Variants in FILIP1L observed in about 807,000 individuals in gnomAD.
The protein encoded by FILIP1L is filamin A-interacting protein 1-like.
In FILIP1L, 55 loss-of-function variants were observed where a neutral mutation model predicts 96.6. The ratio of observed to expected loss-of-function variants is 0.57; its 90% CI spans 0.46 to 0.71. The LOEUF (loss-of-function observed/expected upper bound fraction) is 0.71. Among genes scored for constraint, FILIP1L ranks in the 30% least tolerant of loss-of-function variants. The probability of loss-of-function intolerance (pLI) is 0.00; values close to 1 mark genes in which losing one functional copy is unlikely to be tolerated. For missense variants in FILIP1L, 1,304 were observed against 1,321.2 expected, an observed-to-expected ratio of 0.99 and a Z score of 0.20; for synonymous variants, 467 against 473.9, an observed-to-expected ratio of 0.99 and a Z score of 0.19.
Position 99,904,983 on chromosome 3 carries a change from TCATTGGTGG to T in FILIP1L, c.605+19238_605+19246del, listed in dbSNP as rs147291069. ...TCTGAAGAAATTGTTCTCTCAGAGG[TCATTGGTGG>T]CATCCTCAGATCCAAAAGCCTTCAC... is the stretch of plus-strand genomic sequence containing the variant. On this transcript the variant is annotated intron_variant, in intron 4 of 5. Transcript: ENST00000477258. 4.5e-3 allele frequency among the ~76,000 whole-genome samples: 688 copies of T among 152,238 alleles called. 7 individuals carry two copies. Among genetic ancestry groups the T allele is most frequent in the African/African-American group, 0.016 (674 of 41,534 alleles).
At chr3:99,993,472 T>C (rs1316287750) in intron 1 of FILIP1L, among the ~76,000 whole-genome samples, 1 of 152,132 alleles carries the variant, frequency 6.6e-6, no homozygotes. Flanking sequence ...CTCTTATTTC[T>C]TTCTCTTACC....
At chr3:100,028,313 GT>G (rs1367384746) in intron 1 of FILIP1L, among the ~76,000 whole-genome samples, 2 of 152,118 alleles carry the variant, frequency 1.3e-5, no homozygotes, top group African/African-American at 4.8e-5. Context: ...TTCAGCCTTT[GT>G]TCTTACTTAG....
intron 1 of FILIP1L, among the ~76,000 whole-genome samples, chr3:100,014,664 A>G (rs1476525663): frequency 6.6e-6 from 1 of 151,784 alleles, no homozygotes; most frequent in Non-Finnish European, 1.5e-5. Context: ...TTTCAGGTTC[A>G]TTTTTAATTG....
chr3:99,862,067 A>C (rs747770757), intron 4 of FILIP1L, among the ~76,000 whole-genome samples: 8 of 152,232 alleles, frequency 5.3e-5, no homozygotes, highest in Non-Finnish European at 1.2e-4. Context: ...GTACTAAAAG[A>C]GTAGGTTTTA....
intron 1 of FILIP1L, among the ~76,000 whole-genome samples, chr3:99,963,138 A>T (rs1708543431): frequency 6.6e-6 from 1 of 152,234 alleles, no homozygotes; most frequent in African/African-American, 2.4e-5. Context: ...ATAACAGTGC[A>T]CCAGAGAAAG....
chr3:99,981,738 C>T (rs1034056938), intron 1 of FILIP1L, among the ~76,000 whole-genome samples: 3 of 152,140 alleles, frequency 2.0e-5, no homozygotes, highest in Admixed American at 6.5e-5. Context: ...TTCCAAATTG[C>T]GTGCTATTTT....
chr3:100,108,255 T>G (rs1158216648), intron 1 of FILIP1L, among the ~76,000 whole-genome samples: 2 of 152,188 alleles, frequency 1.3e-5, no homozygotes, highest in African/African-American at 2.4e-5. Flanking sequence ...CAGAAGGAAC[T>G]GACCACGTTG....
intron 4 of FILIP1L, among the ~76,000 whole-genome samples, chr3:99,866,415 C>A (rs538907881): frequency 1.3e-5 from 2 of 152,068 alleles, no homozygotes; most frequent in Middle Eastern, 6.8e-3. Context: ...AATTTAGAAA[C>A]CACAACAACA....
intron 3 of FILIP1L, among the ~76,000 whole-genome samples, chr3:99,929,405 C>T (rs926982681): frequency 3.3e-5 from 5 of 152,186 alleles, no homozygotes; most frequent in African/African-American, 9.7e-5. Flanking sequence ...TATTTCCATT[C>T]ATGTTCAAAA....
intron 1 of FILIP1L, among the ~76,000 whole-genome samples, chr3:100,046,243 T>C (rs1038604838): frequency 1.3e-5 from 2 of 152,184 alleles, no homozygotes; most frequent in African/African-American, 4.8e-5. Flanking sequence ...AGCGTTTGGA[T>C]CCAGTAACTT....
intron 1 of FILIP1L, among the ~76,000 whole-genome samples, chr3:100,109,813 T>C (rs972246706): frequency 6.6e-6 from 1 of 151,926 alleles, no homozygotes; most frequent in African/African-American, 2.4e-5. Context: ...ATAAGTTAGC[T>C]GCTAAAGTAG....
In FILIP1L at chr3:99,849,586, T is replaced by C; in HGVS notation, c.2090A>G (p.His697Arg). The change falls in exon 5 of 6, where the codon CAT (histidine) becomes CGT (arginine). Residue 697 changes from histidine to arginine, a missense_variant. Physicochemically the swap from His to Arg is conservative, Grantham distance 29 (BLOSUM62 0). Coordinates refer to ENST00000477258, the MANE Select transcript of FILIP1L (RefSeq NM_001387850.1). ...YKLAEKTETSHEQWLFKRLQE... is the reference protein window; with the variant it reads ...YKLAEKTETSREQWLFKRLQE... ...AAGCCTTTTGAAAAGCCATTGTTCA[T>C]GGCTGGTCTCTGTCTTTTCTGCTAA... 6.2e-7 allele frequency: 1 copy of C among 1,613,694 alleles called. No individual in the cohort carries two copies. The highest frequency in any genetic ancestry group is 8.5e-7 in the Non-Finnish European group (1 of 1,180,010).
Position 99,850,816 on chromosome 3 carries a change from T to C in FILIP1L, c.860A>G (p.Lys287Arg). 1 of 1,614,202 alleles carries C rather than the reference T, an allele frequency of 6.2e-7. No individual in the cohort carries two copies. Among genetic ancestry groups the C allele is most frequent in the South Asian group, 1.1e-5 (1 of 91,084 alleles). ...AEARVQEEEQ[K>R]ATRLEKELQT... ...CAGTTCCTTCTCTAGTCTGGTTGCC[T>C]TCTGCTCTTCCTCCTGAACTCTGGC... The change falls in exon 5 of 6, where the codon AAG becomes AGG. Residue 287 changes from lysine (K) to arginine (R), a missense_variant. Coordinates refer to ENST00000477258, the MANE Select transcript of FILIP1L (RefSeq NM_001387850.1).
intron 4 of FILIP1L, among the ~76,000 whole-genome samples, chr3:99,885,085 A>T (rs947550133): frequency 9.9e-5 from 15 of 152,234 alleles, no homozygotes; most frequent in African/African-American, 3.6e-4. Context: ...CTATAGGCTC[A>T]GTCACTTCTT....
chr3:99,996,120 A>G (rs752250576), intron 1 of FILIP1L, among the ~76,000 whole-genome samples: 12 of 152,192 alleles, frequency 7.9e-5, no homozygotes, highest in Non-Finnish European at 1.5e-4. Context: ...CTTCCCTTAC[A>G]AAACTGAATG....
At chr3:100,091,082 G>A (rs574738698) in intron 1 of FILIP1L, among the ~76,000 whole-genome samples, 2 of 152,112 alleles carry the variant, frequency 1.3e-5, no homozygotes, top group African/African-American at 2.4e-5. Context: ...TCAGGAGATC[G>A]AGACCATCCT....
intron 4 of FILIP1L, among the ~76,000 whole-genome samples, chr3:99,903,842 C>T (rs1706523531): frequency 6.6e-6 from 1 of 151,960 alleles, no homozygotes; most frequent in Non-Finnish European, 1.5e-5. Context: ...ATTTCTGAGG[C>T]AGAAATAAGA....
At chr3:99,977,817 G>C (rs751137360) in intron 1 of FILIP1L, among the ~76,000 whole-genome samples, 1 of 152,010 alleles carries the variant, frequency 6.6e-6, no homozygotes, top group Admixed American at 6.6e-5. Flanking sequence ...CTAAACCTAG[G>C]CAGTCATTTA....
At chr3:99,937,082 C>G (rs750506163) in intron 1 of FILIP1L, among the ~76,000 whole-genome samples, 1 of 151,934 alleles carries the variant, frequency 6.6e-6, no homozygotes. Flanking sequence ...GGATTACAGG[C>G]GCCTGCCATC....
Sources: gnomAD v4.1 joint callset for allele counts (sites outside exome capture counted in the v4.1 genomes callset) on GRCh38, gnomAD v4.1.1 for gene constraint, MANE v1.5 for transcripts, NCBI Gene and HGNC (gene_info 2026-07-23, HGNC 2026-07-21) for gene names.